The following TGM5 variants were observed in gnomAD, a reference collection of about 807,000 sequenced individuals.
TGM5 encodes transglutaminase 5.
Under a neutral mutation model 77.2 loss-of-function variants are expected in TGM5, and 69 were observed. The observed-to-expected ratio is 0.89, with a 90% CI of 0.74 to 1.09. The LOEUF (loss-of-function observed/expected upper bound fraction) is 1.09, where lower values mean the gene tolerates loss of function less well. TGM5 is among the 50% of genes least tolerant of loss of function. The pLI is 0.00. For synonymous variants in TGM5, 346 were observed against 351.8 expected (o/e 0.98, Z 0.18); for missense variants, 842 against 896.5 (o/e 0.94, Z 0.78).
chr15:43,240,797 T>A, intron 7 of TGM5, 55 bp downstream of exon 7: 2 of 1,609,886 alleles, frequency 1.2e-6, no homozygotes, highest in Non-Finnish European at 1.7e-6. Context: ...CCTCCTGCCA[T>A]GGGGCTTGGC....
Position 43,260,220 on chromosome 15 carries a change from C to T in TGM5, c.268G>A (p.Ala90Thr), listed in dbSNP as rs1259888980. 1 of 1,613,992 alleles carries T rather than the reference C, an allele frequency of 6.2e-7. No homozygotes were observed. Among genetic ancestry groups the T allele is most frequent in the Non-Finnish European group, 8.5e-7 (1 of 1,180,032 alleles). The change falls in exon 3 of 13, where the codon GCC becomes ACC. Residue 90 changes from alanine to threonine, a missense_variant. Around this residue, in one of 2 missense-constraint regions of TGM5, gnomAD observed 815 missense variants for 844.6 expected, o/e 0.96. Coordinates refer to ENST00000220420, the MANE Select transcript of TGM5 (RefSeq NM_201631.4). ...ARHHSPSPWI[A>T]WLETNGATST... is the part of the protein sequence containing the mutation. ...GTGGCCCCATTGGTCTCCAGCCAGG[C>T]AATCCAGGGGCTGGGGCTGTGATGG... is the stretch of plus-strand genomic sequence containing the variant.
rs148327661 is a variant in TGM5 at position 43,240,045 on chromosome 15, C to T, written c.1002-779G>A. Reference sequence around the variant, plus strand: ...TGGCTAGGCATAGAAATTAAAATCTCGCCTCCCCAAGGTGGGAAGGTCATG... The same window carrying T: ...TGGCTAGGCATAGAAATTAAAATCTTGCCTCCCCAAGGTGGGAAGGTCATG... On this transcript the variant is annotated intron_variant, in intron 7 of 12. Transcript: ENST00000220420. Among the ~76,000 whole-genome samples the T allele has an allele frequency of 1.9e-3, 284 of 152,272 alleles. 2 individuals carry two copies. The highest frequency in any genetic ancestry group is 5.6e-3 in the African/African-American group (233 of 41,554).
At chr15:43,251,993 C>T (rs1354080410) in intron 6 of TGM5, among the ~76,000 whole-genome samples, 1 of 152,264 alleles carries the variant, frequency 6.6e-6, no homozygotes, top group East Asian at 1.9e-4. Context: ...CCTTGGGTTG[C>T]CATCTTGCTC....
chr15:43,236,802 A>G (rs1166730884), intron 9 of TGM5, among the ~76,000 whole-genome samples: 1 of 152,000 alleles, frequency 6.6e-6, no homozygotes, highest in Non-Finnish European at 1.5e-5. Flanking sequence ...CCCTGTTTCT[A>G]CTAAAAATAC....
At chr15:43,238,735 C>G (rs1596441396) in intron 9 of TGM5, 82 bp downstream of exon 9, 15 of 1,571,094 alleles carry the variant, frequency 9.5e-6, no homozygotes, top group Non-Finnish European at 8.6e-6. Context: ...GGTCCTGCCT[C>G]GCAGATGCTC....
chr15:43,247,649 C>T (rs1405824483), intron 6 of TGM5: 1 of 150,376 alleles, frequency 6.6e-6, no homozygotes, highest in Non-Finnish European at 1.5e-5. Flanking sequence ...AAAAAAAAGA[C>T]TCAGTGGAAC....
intron 6 of TGM5, among the ~76,000 whole-genome samples, chr15:43,250,190 A>G (rs2042694708): frequency 6.6e-6 from 1 of 152,180 alleles, no homozygotes; most frequent in South Asian, 2.1e-4. Context: ...CTTCTGAAAA[A>G]TGGAGATGAT....
intron 6 of TGM5, among the ~76,000 whole-genome samples, chr15:43,248,639 C>T (rs529139794): frequency 1.3e-5 from 2 of 152,138 alleles, no homozygotes; most frequent in Non-Finnish European, 2.9e-5. Flanking sequence ...GGGAACATTC[C>T]GTACTATCTT....
At position 43,254,430 on chromosome 15, in the gene TGM5, C is replaced by T. The variant is rs145114406; in HGVS notation, c.556-796G>A. Among the ~76,000 whole-genome samples, 22 of 152,296 alleles carry T rather than the reference C, an allele frequency of 1.4e-4. No homozygotes were observed. The East Asian group carries it at 3.7e-3, about 25-fold the overall frequency. ...ATGAGTGTAAATGAATACATTTATTCCTGTGTAACACTGGGCAACATGCAG... is the reference window on the plus strand; with the variant it reads ...ATGAGTGTAAATGAATACATTTATTTCTGTGTAACACTGGGCAACATGCAG... On this transcript the variant is annotated intron_variant, in intron 4 of 12. Transcript: ENST00000220420.
chr15:43,252,977 TTCC>T, intron 5 of TGM5, 41 bp from the exon 6 acceptor site: 1 of 1,602,516 alleles, frequency 6.2e-7, no homozygotes, highest in Non-Finnish European at 8.5e-7. Flanking sequence ...AAACATCCAT[TTCC>T]TCAACATGCC....
chr15:43,250,037 C>G (rs1321540073), intron 6 of TGM5, among the ~76,000 whole-genome samples: 1 of 152,146 alleles, frequency 6.6e-6, no homozygotes, highest in African/African-American at 2.4e-5. Context: ...GTGAAAGCGT[C>G]CAGTGTGTTC....
At position 43,252,755 on chromosome 15, in the gene TGM5, C is replaced by T; in HGVS notation, c.862+4G>A. ...CTTTTTGTGGGGTCCTTTCTACCTC[C>T]TACCTGTGCACATGACGGCAGCAAA... On this transcript the variant is annotated splice_donor_region_variant and intron_variant, in intron 6 of 12. Coordinates refer to ENST00000220420, the MANE Select transcript of TGM5 (RefSeq NM_201631.4). 1 of 1,613,538 alleles carries T rather than the reference C, an allele frequency of 6.2e-7. No individual in the cohort carries two copies. The highest frequency in any genetic ancestry group is 8.5e-7 in the Non-Finnish European group (1 of 1,179,964).
intron 9 of TGM5, 149 bp downstream of exon 9, chr15:43,238,668 G>A: frequency 8.0e-7 from 1 of 1,243,752 alleles, no homozygotes; most frequent in East Asian, 2.5e-5. Flanking sequence ...AAGTGAGGCT[G>A]TGAGGCCACC....
At chr15:43,236,195 C>T (rs959876156) in intron 9 of TGM5, among the ~76,000 whole-genome samples, 4 of 152,100 alleles carry the variant, frequency 2.6e-5, no homozygotes, top group East Asian at 1.9e-4. Flanking sequence ...CTCTAAAACC[C>T]GTGCCTGTGA....
rs1174792644 is a variant in TGM5, at chr15:43,256,558, T to C, written c.555+10A>G. The C allele has an allele frequency of 6.2e-7, 1 of 1,607,086 alleles. No homozygotes were observed. Among genetic ancestry groups the C allele is most frequent in the East Asian group, 2.2e-5 (1 of 44,834 alleles). On this transcript the variant is annotated intron_variant, in intron 4 of 12. Coordinates refer to ENST00000220420, the MANE Select transcript of TGM5 (RefSeq NM_201631.4). The stretch of plus-strand genomic sequence containing the variant: ...GGCCGGGATGGGCCATAAGCAGGGC[T>C]GAGACTCACCTGTCCATAGTTCCAG...
Position 43,248,068 on chromosome 15 carries a change from A to G in TGM5, c.862+4691T>C, listed in dbSNP as rs1344317112. 2.0e-5 allele frequency among the ~76,000 whole-genome samples: 3 copies of G among 152,362 alleles called. No individual in the cohort carries two copies. The East Asian group carries it at 5.8e-4, about 29-fold the overall frequency. ...GACCAATTATGGTAAGTGCCATGAA[A>G]TGAGGAATATAGTTAACTCTAAACA... On this transcript the variant is annotated intron_variant, in intron 6 of 12. Coordinates refer to ENST00000220420, the MANE Select transcript of TGM5 (RefSeq NM_201631.4).
chr15:43,264,789 G>A (rs1459820020), intron 1 of TGM5, among the ~76,000 whole-genome samples: 2 of 152,176 alleles, frequency 1.3e-5, no homozygotes, highest in African/African-American at 4.8e-5. Flanking sequence ...CTCAATAAAA[G>A]TTGTTATAAA....
chr15:43,237,929 A>C (rs1054045343), intron 9 of TGM5, among the ~76,000 whole-genome samples: 3 of 152,166 alleles, frequency 2.0e-5, no homozygotes, highest in African/African-American at 7.2e-5. Context: ...CTCAGGATCC[A>C]TTTCTGGGGC....
At chr15:43,236,723 T>C (rs897262145) in intron 9 of TGM5, among the ~76,000 whole-genome samples, 6 of 151,818 alleles carry the variant, frequency 4.0e-5, no homozygotes, top group Non-Finnish European at 8.8e-5. Context: ...TCCCACCACT[T>C]TGGGAGGCCA....
Sources: gnomAD v4.1 joint callset for allele counts (sites outside exome capture counted in the v4.1 genomes callset) on GRCh38, gnomAD v4.1.1 for gene constraint, gnomAD v4.1.1 regional missense constraint, MANE v1.5 for transcripts, NCBI Gene and HGNC (gene_info 2026-07-23, HGNC 2026-07-21) for gene names.